Variants in ELFN1 observed in about 807,000 individuals in gnomAD.
ELFN1 encodes protein ELFN1.
A neutral mutation model predicts 7.6 loss-of-function variants in ELFN1; 6 were observed. The ratio of observed to expected loss-of-function variants is 0.79; its 90% CI spans 0.43 to 1.56. The LOEUF is 1.56. Ranked by LOEUF, ELFN1 falls within the 40% of genes most tolerant of loss-of-function variation. The pLI is 0.01. For synonymous variants in ELFN1, 657 were observed against 588.1 expected, an observed-to-expected ratio of 1.12 and a Z score of -1.70; for missense variants, 1,169 against 1,232.2, an observed-to-expected ratio of 0.95 and a Z score of 0.77.
Position 1,746,057 on chromosome 7 carries a change from G to T in ELFN1, c.1461G>T (p.Pro487=). The T allele has an allele frequency of 6.5e-7, 1 of 1,546,784 alleles. No homozygotes were observed. Among genetic ancestry groups the T allele is most frequent in the Non-Finnish European group, 8.7e-7 (1 of 1,145,144 alleles). ...APGLAPLSQG[P]LLGPEAVTRI... Reference sequence around the variant, plus strand: ...GCCTGGCCCCGCTGTCCCAGGGCCCGCTGCTGGGCCCCGAGGCCGTGACGC... The same window carrying T: ...GCCTGGCCCCGCTGTCCCAGGGCCCTCTGCTGGGCCCCGAGGCCGTGACGC... The change falls in exon 4 of 4, where the codon CCG becomes CCT. Residue 487 remains proline (P), a synonymous_variant. Transcript: ENST00000424383.
chr7:1,700,057 A>T (rs976800061), intron 2 of ELFN1, among the ~76,000 whole-genome samples: 4 of 152,090 alleles, frequency 2.6e-5, no homozygotes, highest in African/African-American at 9.7e-5. Context: ...CTTCTCTATC[A>T]AGCAGCAATG....
At position 1,746,789 on chromosome 7, in the gene ELFN1, G is replaced by T. The variant is rs1363069704; in HGVS notation, c.2193G>T (p.Gly731=). The T allele has an allele frequency of 4.6e-6, 7 of 1,528,226 alleles. No homozygotes were observed. The highest frequency in any genetic ancestry group is 6.1e-6 in the Non-Finnish European group (7 of 1,141,580). The allele number at this position is 1,528,226 out of a possible 1,614,324, so 94.7% of individuals were successfully genotyped here. The stretch of plus-strand genomic sequence containing the variant: ...CGCCGCCTCCGCACGAGGGCCTGGG[G>T]CGCAAGGCGTCCATCCTGGAGCCAC... ...PPPPPPHEGL[G]RKASILEPLT... is the part of the protein sequence containing the mutation. The change falls in exon 4 of 4, where the codon GGG becomes GGT. Residue 731 remains glycine, a synonymous_variant. Transcript: ENST00000424383.
rs1022350557 is a variant in ELFN1 at position 1,695,920 on chromosome 7, G to A, written c.-456+7770G>A. On this transcript the variant is annotated intron_variant, in intron 2 of 3. Transcript: ENST00000424383. The surrounding 1 kb of genome is among the most constrained non-coding windows in gnomAD (Gnocchi z 5.1). Reference sequence around the variant, plus strand: ...ATTTATTAAATACCTACTGTATGCCGAGCCCCAGGCTGGTTTAGATGTGGG... The same window carrying A: ...ATTTATTAAATACCTACTGTATGCCAAGCCCCAGGCTGGTTTAGATGTGGG... Among the ~76,000 whole-genome samples the A allele has an allele frequency of 6.6e-5, 10 of 152,140 alleles. 1 individual carries two copies. The South Asian group carries it at 8.3e-4, about 13-fold the overall frequency.
chr7:1,675,461 G>T (rs1022576753), intron 1 of ELFN1, among the ~76,000 whole-genome samples: 2 of 152,260 alleles, frequency 1.3e-5, no homozygotes, highest in South Asian at 2.1e-4. Flanking sequence ...CAGCCTGGAG[G>T]CTCCCCCGTG....
chr7:1,722,743 A>G (rs1055780920), intron 3 of ELFN1, among the ~76,000 whole-genome samples: 11 of 152,316 alleles, frequency 7.2e-5, no homozygotes, highest in African/African-American at 2.2e-4. Flanking sequence ...TCAAATATCT[A>G]AGAAATCCCT....
chr7:1,698,287 G>A (rs2128583249), intron 2 of ELFN1, among the ~76,000 whole-genome samples: 1 of 152,232 alleles, frequency 6.6e-6, no homozygotes, highest in Middle Eastern at 3.4e-3. Context: ...AATTCATCAG[G>A]TTAATGCCTT....
intron 1 of ELFN1, among the ~76,000 whole-genome samples, chr7:1,685,767 A>G (rs1779051177): frequency 1.3e-5 from 2 of 149,430 alleles, no homozygotes; most frequent in African/African-American, 4.9e-5. Context: ...TATATAATAT[A>G]TAAACCGTTG....
chr7:1,684,372 TA>T (rs1476570226), intron 1 of ELFN1, among the ~76,000 whole-genome samples: 1 of 152,200 alleles, frequency 6.6e-6, no homozygotes, highest in African/African-American at 2.4e-5. Context: ...CTTCCCCCCA[TA>T]ATTTTTGATG....
chr7:1,724,885 C>T (rs2128595309), intron 3 of ELFN1, among the ~76,000 whole-genome samples: 1 of 152,288 alleles, frequency 6.6e-6, no homozygotes, highest in East Asian at 1.9e-4. Context: ...TCTTTGCCAA[C>T]TTCTGAGGGC....
intron 3 of ELFN1, among the ~76,000 whole-genome samples, chr7:1,728,504 C>T (rs1241734605): frequency 6.6e-6 from 1 of 152,236 alleles, no homozygotes; most frequent in African/African-American, 2.4e-5. Context: ...GTCCTGGCCA[C>T]CTTCCCTCAC....
At chr7:1,741,270 G>T (rs376513814) in intron 3 of ELFN1, among the ~76,000 whole-genome samples, 1 of 152,218 alleles carries the variant, frequency 6.6e-6, no homozygotes, top group East Asian at 1.9e-4. Context: ...ACACTGGGAA[G>T]TCGTGCCCAC....
At chr7:1,676,010 C>T (rs896360671) in intron 1 of ELFN1, among the ~76,000 whole-genome samples, 1 of 152,152 alleles carries the variant, frequency 6.6e-6, no homozygotes, top group Non-Finnish European at 1.5e-5. Flanking sequence ...CTGGCCCCCG[C>T]ACTGGTCAGA....
At chr7:1,683,272 C>T (rs555364384) in intron 1 of ELFN1, among the ~76,000 whole-genome samples, 4 of 151,710 alleles carry the variant, frequency 2.6e-5, no homozygotes, top group Non-Finnish European at 4.4e-5. Flanking sequence ...GGCTTTTCTT[C>T]GTGGGAAGAT....
intron 2 of ELFN1, among the ~76,000 whole-genome samples, chr7:1,707,100 A>T (rs1274015628): frequency 6.6e-6 from 1 of 152,262 alleles, no homozygotes; most frequent in African/African-American, 2.4e-5. Flanking sequence ...GAAAAGCTCC[A>T]GGGCAGGTGC....
chr7:1,724,086 C>G (rs878957370), intron 3 of ELFN1, among the ~76,000 whole-genome samples: 2 of 152,200 alleles, frequency 1.3e-5, no homozygotes, highest in African/African-American at 4.8e-5. Context: ...GGCAAGTTCA[C>G]GAACATGTCT....
At chr7:1,666,074 AGCCGCC>A (rs908277705), upstream of ELFN1, among the ~76,000 whole-genome samples, 1 of 148,694 alleles carries the variant, frequency 6.7e-6, no homozygotes, top group Non-Finnish European at 1.5e-5. This position sits in a 1 kb window ranked among gnomAD's most constrained non-coding sequence, Gnocchi z 7.9. Context: ...AAGGAGGGGA[AGCCGCC>A]GCCGCCGCCG....
chr7:1,671,765 T>C (rs776342509), intron 1 of ELFN1, among the ~76,000 whole-genome samples: 41 of 152,170 alleles, frequency 2.7e-4, no homozygotes, highest in Non-Finnish European at 5.4e-4. Context: ...GAACAAGCAT[T>C]GAGAAGACTG....
chr7:1,700,186 C>G (rs1187220230), intron 2 of ELFN1, among the ~76,000 whole-genome samples: 1 of 152,080 alleles, frequency 6.6e-6, no homozygotes, highest in African/African-American at 2.4e-5. Flanking sequence ...GAGGTGTAGA[C>G]TGTGAGCTGG....
chr7:1,744,534 GCCTGGCCCCCCA>G lies in ELFN1; in HGVS notation c.-57_-46del. 1.4e-6 allele frequency: 2 copies of G among 1,427,402 alleles called. No homozygotes were observed. Among genetic ancestry groups the G allele is most frequent in the African/African-American group, 1.5e-5 (1 of 68,224 alleles). The allele number at this position is 1,427,402 out of a possible 1,614,324, so 88.4% of individuals were successfully genotyped here. On this transcript the variant is annotated 5_prime_UTR_variant, in exon 4 of 4. Coordinates refer to ENST00000424383, the MANE Select transcript of ELFN1 (RefSeq NM_001128636.4). ...CCCCTCCATCCCTCTGGGGGCTGGC[GCCTGGCCCCCCA>G]CCTGGTCCCCCTGGGCAGGCTGAAT...
Sources: gnomAD v4.1 joint callset for allele counts (sites outside exome capture counted in the v4.1 genomes callset) on GRCh38, gnomAD v4.1.1 for gene constraint, Gnocchi (gnomAD v3.1) non-coding constraint, MANE v1.5 for transcripts, NCBI Gene and HGNC (gene_info 2026-07-23, HGNC 2026-07-21) for gene names.